Variants in KLHL29 observed in about 807,000 individuals in gnomAD.
KLHL29 encodes kelch like family member 29.
KLHL29 carries 21 observed loss-of-function variants against 80.4 expected under a neutral mutation model. That is an observed-to-expected ratio of 0.26 (90% CI 0.19 to 0.38). The LOEUF is 0.38. Ranked by LOEUF, KLHL29 falls within the 10% of genes least tolerant of loss-of-function variation. The pLI is 1.00. For synonymous variants in KLHL29, 511 were observed against 526.8 expected, an observed-to-expected ratio of 0.97 and a Z score of 0.41; for missense variants, 867 against 1,223.9, an observed-to-expected ratio of 0.71 and a Z score of 4.35.
Position 23,389,418 on chromosome 2 carries a change from T to C in KLHL29, c.-154+3638T>C, listed in dbSNP as rs548812277. The stretch of plus-strand genomic sequence containing the variant: ...TGGAACACTTAAGTTCAAAGTCAGA[T>C]GAAGAAATGGAATTATAACCAACTT... On this transcript the variant is annotated intron_variant, in intron 1 of 13. Transcript: ENST00000486442. Among the ~76,000 whole-genome samples, 97 of 152,294 alleles carry C rather than the reference T, an allele frequency of 6.4e-4. 2 individuals are homozygous for C. Among genetic ancestry groups the C allele is most frequent in the Non-Finnish European group, 1.0e-4 (7 of 68,028 alleles).
rs191652491 is a variant in KLHL29 at position 23,465,017 on chromosome 2, A to G, written c.-153-10543A>G. On this transcript the variant is annotated intron_variant, in intron 1 of 13. Transcript: ENST00000486442. ...CCTCATCTAAACAGGCTGCTTGCAG[A>G]CAGATCGCTTAATTTGCTTCTCAAT... Among the ~76,000 whole-genome samples the G allele has an allele frequency of 5.3e-5, 8 of 152,342 alleles. No individual in the cohort carries two copies. In the East Asian group the frequency reaches 1.5e-3, roughly 29 times the overall value.
At chr2:23,573,243 A>G (rs1667762431) in intron 3 of KLHL29, among the ~76,000 whole-genome samples, 2 of 152,156 alleles carry the variant, frequency 1.3e-5, no homozygotes, top group African/African-American at 2.4e-5. Context: ...TTTTACTCTG[A>G]CTTGCCTGTA....
At chr2:23,521,297 G>A (rs924549855) in intron 2 of KLHL29, among the ~76,000 whole-genome samples, 1 of 152,184 alleles carries the variant, frequency 6.6e-6, no homozygotes, top group African/African-American at 2.4e-5. Context: ...GCCTGCAGGA[G>A]GAAGGACAAG....
chr2:23,675,419 G>A (rs900259133), intron 5 of KLHL29, among the ~76,000 whole-genome samples: 10 of 152,082 alleles, frequency 6.6e-5, no homozygotes, highest in South Asian at 4.1e-4. Context: ...GTCCTCCTCC[G>A]TTCCTTCCTA....
intron 3 of KLHL29, among the ~76,000 whole-genome samples, chr2:23,595,326 A>AT (rs1201560114): frequency 1.3e-5 from 2 of 152,170 alleles, no homozygotes; most frequent in Admixed American, 6.6e-5. Context: ...CAAAGCCAGC[A>AT]TTTTTGTCTC....
chr2:23,452,824 A>G (rs1013975116), intron 1 of KLHL29, among the ~76,000 whole-genome samples: 3 of 152,162 alleles, frequency 2.0e-5, no homozygotes, highest in Non-Finnish European at 4.4e-5. Context: ...TGCTTTTGGA[A>G]CGTTCTTCTT....
At chr2:23,636,541 G>A (rs1182753583) in intron 3 of KLHL29, among the ~76,000 whole-genome samples, 1 of 152,140 alleles carries the variant, frequency 6.6e-6, no homozygotes, top group East Asian at 1.9e-4. Context: ...ATCTGGGCCC[G>A]CCTCTGCACA....
intron 1 of KLHL29, among the ~76,000 whole-genome samples, chr2:23,409,410 T>C (rs1666810561): frequency 6.6e-6 from 1 of 152,130 alleles, no homozygotes; most frequent in African/African-American, 2.4e-5. Context: ...TCTCCCCACA[T>C]CCCCACACAG....
chr2:23,602,926 G>T (rs773392503), intron 3 of KLHL29, among the ~76,000 whole-genome samples: 1 of 152,174 alleles, frequency 6.6e-6, no homozygotes, highest in Non-Finnish European at 1.5e-5. Flanking sequence ...GGCCAGCTTG[G>T]ACTTGCCAGC....
chr2:23,551,117 A>T (rs888603762), intron 2 of KLHL29, among the ~76,000 whole-genome samples: 1 of 152,236 alleles, frequency 6.6e-6, no homozygotes, highest in Non-Finnish European at 1.5e-5. Flanking sequence ...ACGTAATCAA[A>T]TGGTAGCCAC....
chr2:23,612,563 G>A (rs1010583799), intron 3 of KLHL29, among the ~76,000 whole-genome samples: 1 of 152,140 alleles, frequency 6.6e-6, no homozygotes, highest in Non-Finnish European at 1.5e-5. Flanking sequence ...CCAACATGGA[G>A]AAACCATGTC....
intron 1 of KLHL29, among the ~76,000 whole-genome samples, chr2:23,435,340 T>C (rs1663308349): frequency 6.6e-6 from 1 of 152,086 alleles, no homozygotes; most frequent in East Asian, 1.9e-4. Flanking sequence ...AAGCGATGGG[T>C]CACAGGTGCA....
intron 3 of KLHL29, among the ~76,000 whole-genome samples, chr2:23,629,098 C>T (rs942819947): frequency 2.6e-5 from 4 of 152,198 alleles, no homozygotes; most frequent in Non-Finnish European, 4.4e-5. Flanking sequence ...CTGAGCAGGA[C>T]GGGCCGCTAC....
In KLHL29 at chr2:23,682,251, C is replaced by G. The variant is rs1331723316; in HGVS notation, c.941-2148C>G. ...TCACCATCAGCAGCACTGCACACTC[C>G]CACCCGCTGAGCGCTCCCTGTGTGC... On this transcript the variant is annotated intron_variant, in intron 5 of 13. Transcript: ENST00000486442. The surrounding 1 kb of genome is among the most constrained non-coding windows in gnomAD (Gnocchi z 4.1). Among the ~76,000 whole-genome samples the G allele has an allele frequency of 6.6e-6, 1 of 152,214 alleles. No individual in the cohort carries two copies. Among genetic ancestry groups the G allele is most frequent in the Non-Finnish European group, 1.5e-5 (1 of 68,048 alleles).
intron 5 of KLHL29, among the ~76,000 whole-genome samples, chr2:23,678,928 G>T (rs137949272): frequency 4.5e-4 from 69 of 152,106 alleles, no homozygotes; most frequent in African/African-American, 1.6e-3. Context: ...GGGAGTGGTT[G>T]TTTAATGGGT....
chr2:23,412,644 C>T (rs993741657), intron 1 of KLHL29, among the ~76,000 whole-genome samples: 14 of 152,144 alleles, frequency 9.2e-5, no homozygotes, highest in Non-Finnish European at 1.5e-4. Flanking sequence ...GTGGAGATTA[C>T]TGTGGACAAG....
intron 1 of KLHL29, among the ~76,000 whole-genome samples, chr2:23,440,531 G>C (rs898993023): frequency 1.1e-4 from 17 of 152,226 alleles, no homozygotes; most frequent in African/African-American, 3.6e-4. Context: ...TACCATCAGA[G>C]TGAACAGGCA....
At chr2:23,656,670 A>G (rs915283940) in intron 5 of KLHL29, among the ~76,000 whole-genome samples, 3 of 152,198 alleles carry the variant, frequency 2.0e-5, no homozygotes, top group African/African-American at 7.2e-5. Flanking sequence ...CTTAAGACTC[A>G]TCTGCCTTAA....
chr2:23,462,080 A>C (rs560150568), intron 1 of KLHL29, among the ~76,000 whole-genome samples: 1 of 151,196 alleles, frequency 6.6e-6, no homozygotes, highest in Admixed American at 6.6e-5. Context: ...TTTTGTCTGA[A>C]TCTCAGCTGC....
Sources: allele counts gnomAD v4.1 joint callset (sites outside exome capture counted in the v4.1 genomes callset), GRCh38; gene constraint gnomAD v4.1.1; non-coding constraint Gnocchi (gnomAD v3.1); transcripts MANE v1.5; gene names NCBI Gene and HGNC (gene_info 2026-07-23, HGNC 2026-07-21).